NLGN1: variants seen among roughly 807,000 people sequenced by gnomAD.
NLGN1 encodes the protein neuroligin-1.
In NLGN1, 12 loss-of-function variants were observed where a neutral mutation model predicts 65.5. The ratio of observed to expected loss-of-function variants is 0.18; its 90% CI spans 0.12 to 0.30. The LOEUF is 0.30. Among genes scored for constraint, NLGN1 ranks in the 10% least tolerant of loss-of-function variants. NLGN1 has a pLI of 1.00. For missense variants in NLGN1, 750 were observed against 1,007.1 expected, an observed-to-expected ratio of 0.74 and a Z score of 3.46; for synonymous variants, 350 against 359.5, an observed-to-expected ratio of 0.97 and a Z score of 0.30.
intron 2 of NLGN1, among the ~76,000 whole-genome samples, chr3:173,508,213 CATA>C (rs1732345769): frequency 6.6e-6 from 1 of 152,042 alleles, no homozygotes; most frequent in African/African-American, 2.4e-5. Context: ...AATTTTGGTT[CATA>C]ATGTTAGTGT....
chr3:174,155,773 T>A (rs1218897786), intron 4 of NLGN1, among the ~76,000 whole-genome samples: 1 of 151,858 alleles, frequency 6.6e-6, no homozygotes, highest in Non-Finnish European at 1.5e-5. Flanking sequence ...TACCAAGAAC[T>A]GGAGTGTGTA....
chr3:173,404,037 G>A (rs973210986), intron 1 of NLGN1, among the ~76,000 whole-genome samples: 1 of 152,078 alleles, frequency 6.6e-6, no homozygotes, highest in Non-Finnish European at 1.5e-5. Flanking sequence ...TTATTTTTAT[G>A]GAGATACATA....
At chr3:173,537,014 C>A (rs1299263779) in intron 2 of NLGN1, among the ~76,000 whole-genome samples, 1 of 152,138 alleles carries the variant, frequency 6.6e-6, no homozygotes, top group Non-Finnish European at 1.5e-5. Flanking sequence ...GTGACTTCTC[C>A]CTTACTCAAC....
At chr3:173,500,983 A>T (rs1333371238) in intron 2 of NLGN1, among the ~76,000 whole-genome samples, 1 of 152,208 alleles carries the variant, frequency 6.6e-6, no homozygotes, top group East Asian at 1.9e-4. Context: ...ACACTAAAAA[A>T]ATAGCTACTG....
At chr3:173,750,795 T>A (rs559366360) in intron 3 of NLGN1, among the ~76,000 whole-genome samples, 1 of 152,166 alleles carries the variant, frequency 6.6e-6, no homozygotes, top group East Asian at 1.9e-4. Flanking sequence ...CTTCCTGCAG[T>A]GTACATTAAG....
At chr3:174,201,425 C>T (rs1047130288) in intron 4 of NLGN1, among the ~76,000 whole-genome samples, 6 of 151,946 alleles carry the variant, frequency 3.9e-5, no homozygotes, top group African/African-American at 1.5e-4. Context: ...AGAAATTGGG[C>T]CCTGTTTGCT....
rs370462767 is a variant in NLGN1 at position 174,279,450 on chromosome 3, G to T, written c.1449G>T (p.Thr483=). The change falls in exon 6 of 7, where the codon ACG becomes ACT. Residue 483 remains threonine, a synonymous_variant. Transcript: ENST00000457714. The surrounding 1 kb of genome is among the most constrained non-coding windows in gnomAD (Gnocchi z 4.7). Reference sequence around the variant, plus strand: ...TTCACTCAAACTTTGGTTCACCTACGTACTTCTATGCCTTTTACCATCATT... The same window carrying T: ...TTCACTCAAACTTTGGTTCACCTACTTACTTCTATGCCTTTTACCATCATT... 8 of 1,613,096 alleles carry T rather than the reference G, an allele frequency of 5.0e-6. No individual in the cohort carries two copies. In the African/African-American group the frequency reaches 9.4e-5, roughly 19 times the overall value.
intron 4 of NLGN1, among the ~76,000 whole-genome samples, chr3:173,859,338 C>T (rs1341407037): frequency 6.6e-6 from 1 of 152,066 alleles, no homozygotes; most frequent in African/African-American, 2.4e-5. Flanking sequence ...AAGGAGTTTG[C>T]ATTTGGGCCA....
chr3:173,480,104 T>C (rs1727011915), intron 2 of NLGN1, among the ~76,000 whole-genome samples: 1 of 152,144 alleles, frequency 6.6e-6, no homozygotes, highest in South Asian at 2.1e-4. Context: ...ATTCTAGTGC[T>C]GCTGCATTTT....
chr3:173,964,382 T>C (rs981248136), intron 4 of NLGN1, among the ~76,000 whole-genome samples: 4 of 152,194 alleles, frequency 2.6e-5, no homozygotes, highest in African/African-American at 9.6e-5. Context: ...GCAGCTGTTA[T>C]ATTTGTGCAT....
At chr3:173,950,808 C>CAA (rs769516741) in intron 4 of NLGN1, among the ~76,000 whole-genome samples, 2 of 96,870 alleles carry the variant, frequency 2.1e-5, no homozygotes, top group African/African-American at 7.7e-5. Flanking sequence ...GACTTCGTCT[C>CAA]AAAAAAAAAA....
chr3:173,589,852 G>A (rs1748165684), intron 2 of NLGN1, among the ~76,000 whole-genome samples: 1 of 152,090 alleles, frequency 6.6e-6, no homozygotes, highest in Admixed American at 6.5e-5. Flanking sequence ...TACTTGTAAT[G>A]TTTGAAAATG....
At chr3:174,080,645 GAGA>G (rs1227563682) in intron 4 of NLGN1, among the ~76,000 whole-genome samples, 27 of 151,972 alleles carry the variant, frequency 1.8e-4, no homozygotes, top group Admixed American at 1.6e-3. Flanking sequence ...CAGTCGTTCC[GAGA>G]AGAAGATCTA....
chr3:173,734,089 G>A (rs1773321737), intron 3 of NLGN1, among the ~76,000 whole-genome samples: 2 of 151,954 alleles, frequency 1.3e-5, no homozygotes, highest in Non-Finnish European at 2.9e-5. Context: ...GCTAATGAAA[G>A]TCCTGGATGT....
At chr3:173,746,878 A>C (rs1775461954) in intron 3 of NLGN1, among the ~76,000 whole-genome samples, 1 of 151,686 alleles carries the variant, frequency 6.6e-6, no homozygotes, top group African/African-American at 2.4e-5. Context: ...TCTTCTCCCT[A>C]CTAAAAGTAT....
At chr3:173,633,461 C>T (rs150723207) in intron 3 of NLGN1, among the ~76,000 whole-genome samples, 14 of 152,238 alleles carry the variant, frequency 9.2e-5, no homozygotes, top group African/African-American at 2.9e-4. Flanking sequence ...TATCATTGAG[C>T]TACAAGGTAA....
chr3:174,025,694 G>C (rs1235273542), intron 4 of NLGN1, among the ~76,000 whole-genome samples: 1 of 152,140 alleles, frequency 6.6e-6, no homozygotes, highest in Non-Finnish European at 1.5e-5. Context: ...AAATTAGAAA[G>C]ATGAGTAATT....
intron 4 of NLGN1, among the ~76,000 whole-genome samples, chr3:173,822,098 G>T (rs1252888838): frequency 1.3e-5 from 2 of 152,152 alleles, no homozygotes; most frequent in African/African-American, 4.8e-5. Context: ...ACTAAGCTCT[G>T]CAAAAGAAAT....
At chr3:173,673,601 G>A (rs1419845444) in intron 3 of NLGN1, among the ~76,000 whole-genome samples, 1 of 152,176 alleles carries the variant, frequency 6.6e-6, no homozygotes, top group Non-Finnish European at 1.5e-5. Context: ...AATGCTGTGA[G>A]CTCAGTGGTA....
Sources: allele counts gnomAD v4.1 joint callset (sites outside exome capture counted in the v4.1 genomes callset), GRCh38; gene constraint gnomAD v4.1.1; non-coding constraint Gnocchi (gnomAD v3.1); transcripts MANE v1.5; gene names NCBI Gene and HGNC (gene_info 2026-07-23, HGNC 2026-07-21).